Variants in CDKN2B-AS1 observed in about 807,000 individuals in gnomAD.
CDKN2B-AS1 encodes CDKN2B and CDKN2A antisense cis and trans regulatory RNA 1.
rs945959928 is a variant in CDKN2B-AS1, at chr9:22,094,177, C to T, written n.439-32926C>T. On this transcript the variant is annotated intron_variant and non_coding_transcript_variant, in intron 4 of 4. Transcript: ENST00000650946. ...CTCTTCTGGCTTGTAGAGTTTCTAC[C>T]GAGAGATCAGCTGTTAGTCTGATGG... 4.9e-5 allele frequency among the ~76,000 whole-genome samples: 7 copies of T among 144,104 alleles called. 1 individual carries two copies. Among genetic ancestry groups the T allele is most frequent in the East Asian group, 3.9e-4 (2 of 5,074 alleles). The allele number at this position is 144,104 out of a possible 152,430, so 94.5% of individuals were successfully genotyped here.
At chr9:22,100,467 T>C (rs1172551056) in intron 4 of CDKN2B-AS1, among the ~76,000 whole-genome samples, 2 of 152,200 alleles carry the variant, frequency 1.3e-5, no homozygotes, top group African/African-American at 4.8e-5. Context: ...GGTTTATAAA[T>C]GTTGCAAATG....
intron 4 of CDKN2B-AS1, among the ~76,000 whole-genome samples, chr9:22,062,521 C>T (rs751617166): frequency 2.6e-4 from 39 of 152,128 alleles, no homozygotes; most frequent in Non-Finnish European, 4.0e-4. Flanking sequence ...TGGGCTGTGT[C>T]ACTTGTGACT....
At chr9:22,089,157 ATCACT>A (rs1333180262) in intron 4 of CDKN2B-AS1, among the ~76,000 whole-genome samples, 1 of 152,202 alleles carries the variant, frequency 6.6e-6, no homozygotes, top group African/African-American at 2.4e-5. Context: ...GATTAGGTAG[ATCACT>A]TCAATCTCTA....
At chr9:22,126,777 T>G (rs954706002) in intron 4 of CDKN2B-AS1, among the ~76,000 whole-genome samples, 1 of 152,098 alleles carries the variant, frequency 6.6e-6, no homozygotes, top group Non-Finnish European at 1.5e-5. Context: ...TTTCACCATG[T>G]TAGCCAGGAT....
intron 1 of CDKN2B-AS1, among the ~76,000 whole-genome samples, chr9:22,002,498 T>A (rs1342482312): frequency 1.3e-5 from 2 of 151,934 alleles, no homozygotes; most frequent in East Asian, 3.8e-4. Context: ...CCCTACTGAC[T>A]ATTACATATC....
rs566516741 is a variant in CDKN2B-AS1, at chr9:22,045,445, C to A, written n.30-1306C>A. Among the ~76,000 whole-genome samples, 674 of 152,160 alleles carry A rather than the reference C, an allele frequency of 4.4e-3. 5 individuals carry two copies. The highest frequency in any genetic ancestry group is 0.016 in the South Asian group (75 of 4,818). ...CTCATCCAGCACATCATCACTATAA[C>A]CCTTATAGTTTGCTTTTGGCACAAG... On this transcript the variant is annotated intron_variant and non_coding_transcript_variant, in intron 1 of 4. Transcript: ENST00000650946.
chr9:22,009,370 C>T (rs1234675805), intron 1 of CDKN2B-AS1: 1 of 349,994 alleles, frequency 2.9e-6, no homozygotes, highest in African/African-American at 2.1e-5. Context: ...TCCCCACCCC[C>T]TTAGGCTCCG....
chr9:22,108,013 GTTT>G (rs1383276227), intron 4 of CDKN2B-AS1, among the ~76,000 whole-genome samples: 1 of 152,110 alleles, frequency 6.6e-6, no homozygotes. Context: ...CCAAATCCTA[GTTT>G]TTCTGACTAT....
intron 4 of CDKN2B-AS1, among the ~76,000 whole-genome samples, chr9:22,094,423 G>A (rs1440926698): frequency 5.5e-5 from 8 of 144,488 alleles, no homozygotes; most frequent in Non-Finnish European, 1.2e-4. Flanking sequence ...TTTCCAACTT[G>A]GTTCCATTCT....
chr9:22,035,693 A>C (rs745834466), intron 1 of CDKN2B-AS1, among the ~76,000 whole-genome samples: 1 of 152,068 alleles, frequency 6.6e-6, no homozygotes, highest in Non-Finnish European at 1.5e-5. Flanking sequence ...GGTTTGAGCT[A>C]TTGGGCTGTT....
At chr9:22,015,283 C>CT (rs936771347) in intron 1 of CDKN2B-AS1, among the ~76,000 whole-genome samples, 8 of 151,510 alleles carry the variant, frequency 5.3e-5, no homozygotes, top group East Asian at 1.9e-4. Context: ...TTTTTCCTGA[C>CT]TTTTTTTTTC....
chr9:22,000,839 G>C lies in CDKN2B-AS1; in HGVS notation n.29+5678G>C, dbSNP rs923147271. On this transcript the variant is annotated intron_variant and non_coding_transcript_variant, in intron 1 of 4. Transcript: ENST00000650946. The surrounding 1 kb of genome is among the most constrained non-coding windows in gnomAD (Gnocchi z 4.1). ...TTATACTAAGAGAAGAGAGAAACCC[G>C]AAGAACAATGGATTATCCTTACATA... Among the ~76,000 whole-genome samples the C allele has an allele frequency of 6.6e-6, 1 of 152,100 alleles. No individual in the cohort carries two copies. Among genetic ancestry groups the C allele is most frequent in the Non-Finnish European group, 1.5e-5 (1 of 67,996 alleles).
rs1366840244 is a variant in CDKN2B-AS1 at position 21,997,126 on chromosome 9, C to CT, written n.29+1966dup. On this transcript the variant is annotated intron_variant and non_coding_transcript_variant, in intron 1 of 4. Coordinates refer to ENST00000650946, the Ensembl canonical transcript of CDKN2B-AS1. The surrounding 1 kb of genome is among the most constrained non-coding windows in gnomAD (Gnocchi z 4.8). ...CATATACAAACCTAGGTGGTATAGT[C>CT]TATTATACATCTAGGCTGTATGGTA... Among the ~76,000 whole-genome samples the CT allele has an allele frequency of 1.3e-5, 2 of 152,158 alleles. No individual in the cohort carries two copies. Among genetic ancestry groups the CT allele is most frequent in the African/African-American group, 4.8e-5 (2 of 41,414 alleles).
chr9:22,121,904 A>C (rs556987159), intron 4 of CDKN2B-AS1, among the ~76,000 whole-genome samples: 2 of 152,128 alleles, frequency 1.3e-5, no homozygotes, highest in South Asian at 4.1e-4. Flanking sequence ...CCTTTGGATA[A>C]ATTGCTAGTA....
At chr9:21,998,257 G>T (rs1031884665) in intron 1 of CDKN2B-AS1, among the ~76,000 whole-genome samples, 27 of 152,264 alleles carry the variant, frequency 1.8e-4, no homozygotes, top group African/African-American at 6.3e-4. Context: ...AAATACTTTT[G>T]GAATGCGGAG....
intron 1 of CDKN2B-AS1, among the ~76,000 whole-genome samples, chr9:22,022,494 A>G (rs1402024076): frequency 3.3e-5 from 5 of 151,616 alleles, no homozygotes; most frequent in African/African-American, 1.2e-4. Context: ...TCTGATTTGC[A>G]TTTCCTTGAT....
At chr9:22,093,429 G>A (rs1428573700) in intron 4 of CDKN2B-AS1, among the ~76,000 whole-genome samples, 5 of 113,670 alleles carry the variant, frequency 4.4e-5, no homozygotes, top group Non-Finnish European at 7.0e-5. Context: ...GTGTTAAAGT[G>A]TCCTATTATT....
At chr9:22,009,274 G>A (rs1256742698) in intron 1 of CDKN2B-AS1, 3 of 508,950 alleles carry the variant, frequency 5.9e-6, no homozygotes, top group African/African-American at 5.8e-5. Context: ...GCGTCGCGGA[G>A]TCCTCACTGC....
rs1357590383 is a variant in CDKN2B-AS1, at chr9:22,087,915, C to T, written n.438+31528C>T. The stretch of plus-strand genomic sequence containing the variant: ...ATTAAATATTTGCCAGATATAGTTT[C>T]CTATGAAGACTCTGAGCTTGTGGCT... On this transcript the variant is annotated intron_variant and non_coding_transcript_variant, in intron 4 of 4. Transcript: ENST00000650946. Among the ~76,000 whole-genome samples the T allele has an allele frequency of 2.0e-5, 3 of 152,134 alleles. No individual in the cohort carries two copies. The East Asian group carries it at 5.8e-4, about 29-fold the overall frequency.
Sources: gnomAD v4.1 joint callset for allele counts (sites outside exome capture counted in the v4.1 genomes callset) on GRCh38, gnomAD v4.1.1 for gene constraint, Gnocchi (gnomAD v3.1) non-coding constraint, MANE v1.5 for transcripts, NCBI Gene and HGNC (gene_info 2026-07-23, HGNC 2026-07-21) for gene names.